The following ZNF33B variants were observed in gnomAD, a reference collection of about 807,000 sequenced individuals.
ZNF33B encodes the protein zinc finger protein 33B.
ZNF33B carries 29 observed loss-of-function variants against 45.8 expected under a neutral mutation model. The observed-to-expected ratio is 0.63, with a 90% CI of 0.47 to 0.86. The LOEUF is 0.86. ZNF33B is among the 40% of genes least tolerant of loss of function. The pLI, the probability that ZNF33B is intolerant of heterozygous loss-of-function variation, is 0.00. For missense variants in ZNF33B, 831 were observed against 909.9 expected, an observed-to-expected ratio of 0.91 and a Z score of 1.12; for synonymous variants, 305 against 307.8, an observed-to-expected ratio of 0.99 and a Z score of 0.10.
downstream of ZNF33B, among the ~76,000 whole-genome samples, chr10:42,587,599 T>A (rs534298310): frequency 6.6e-6 from 1 of 152,300 alleles, no homozygotes; most frequent in South Asian, 2.1e-4. Context: ...ACAGTGGATG[T>A]CACAGTCACT....
At chr10:42,576,677 A>C (rs1824158742) in intron 1 of ZNF33B, among the ~76,000 whole-genome samples, 1 of 152,204 alleles carries the variant, frequency 6.6e-6, no homozygotes, top group Non-Finnish European at 1.5e-5. Flanking sequence ...ATAGGACCTG[A>C]CTTTGCATTT....
downstream of ZNF33B, among the ~76,000 whole-genome samples, chr10:42,587,513 T>C (rs6593413): frequency 0.18 from 27,695 of 152,044 alleles, 3,979 homozygotes; most frequent in African/African-American, 0.39. Context: ...TCTTGGCTTC[T>C]CAAAGTGCTG....
At chr10:42,615,189 A>C (rs115554105) in intron 4 of ZNF33B, among the ~76,000 whole-genome samples, 1 of 152,190 alleles carries the variant, frequency 6.6e-6, no homozygotes. Context: ...AAACACAGAG[A>C]CACCATATAA....
intron 4 of ZNF33B, among the ~76,000 whole-genome samples, chr10:42,601,018 G>A (rs1837596517): frequency 6.6e-6 from 1 of 152,110 alleles, no homozygotes; most frequent in African/African-American, 2.4e-5. Flanking sequence ...TTGTTTAACT[G>A]GAATGTCCTT....
chr10:42,588,007 C>T (rs570933343), downstream of ZNF33B, among the ~76,000 whole-genome samples: 1 of 152,182 alleles, frequency 6.6e-6, no homozygotes. Flanking sequence ...ACAAACCTCA[C>T]AATAGGCCAT....
At position 42,631,193 on chromosome 10, in the gene ZNF33B, G is replaced by T. The variant is rs209392; in HGVS notation, c.250+736C>A. 1.7e-3 allele frequency among the ~76,000 whole-genome samples: 253 copies of T among 151,076 alleles called. 1 individual carries two copies. Among genetic ancestry groups the T allele is most frequent in the Non-Finnish European group, 2.9e-3 (196 of 67,720 alleles). ...ATAATATACTTAGAGACATAATTTT[G>T]TTTTTTTTTTATATTTATTTACTTA... is the stretch of plus-strand genomic sequence containing the variant. On this transcript the variant is annotated intron_variant, in intron 4 of 4. Transcript: ENST00000359467.
At chr10:42,622,986 G>A (rs1424841874) in intron 4 of ZNF33B, among the ~76,000 whole-genome samples, 2 of 152,134 alleles carry the variant, frequency 1.3e-5, no homozygotes, top group Admixed American at 6.6e-5. Flanking sequence ...GAGTAGGTAC[G>A]GCCGGGTGCG....
intron 1 of ZNF33B, chr10:42,582,861 A>C (rs2132015871): frequency 2.7e-6 from 1 of 365,422 alleles, no homozygotes; most frequent in South Asian, 3.2e-5. Context: ...GTGCCAGTGC[A>C]CTTCCTCAGT....
chr10:42,597,979 T>C (rs533433405), intron 4 of ZNF33B, among the ~76,000 whole-genome samples: 2 of 152,228 alleles, frequency 1.3e-5, no homozygotes, highest in East Asian at 3.9e-4. Context: ...TATTTTCAAA[T>C]GCAAAAAAAA....
At chr10:42,578,559 C>T (rs367704241) in intron 1 of ZNF33B, 16 of 152,552 alleles carry the variant, frequency 1.0e-4, no homozygotes, top group African/African-American at 3.8e-4. Context: ...AGCATAGGAC[C>T]TACACCACTG....
rs188719700 is a variant in ZNF33B at position 42,599,399 on chromosome 10, G to A, written c.251-4700C>T. 1.3e-3 allele frequency among the ~76,000 whole-genome samples: 200 copies of A among 151,758 alleles called. 1 individual carries two copies. The highest frequency in any genetic ancestry group is 2.3e-3 in the Non-Finnish European group (154 of 67,886). ...CAAAGTGGAATTAGCTAAGACCATTGATTTAGACCTTTCTTCTTATCCAAC... is the reference window on the plus strand; with the variant it reads ...CAAAGTGGAATTAGCTAAGACCATTAATTTAGACCTTTCTTCTTATCCAAC... On this transcript the variant is annotated intron_variant, in intron 4 of 4. Transcript: ENST00000359467.
intron 1 of ZNF33B, chr10:42,578,472 G>C (rs112213116): frequency 0.028 from 4,305 of 152,892 alleles, 98 homozygotes; most frequent in Non-Finnish European, 0.045. Flanking sequence ...CTTCCTCCAG[G>C]ATGTAATGAG....
chr10:42,583,256 G>C (rs762447532), intron 1 of ZNF33B: 187 of 593,506 alleles, frequency 3.2e-4, no homozygotes, highest in Non-Finnish European at 5.2e-4. Context: ...AGACAAAAGT[G>C]ATGCCATCAC....
chr10:42,599,816 A>G (rs925389029), intron 4 of ZNF33B, among the ~76,000 whole-genome samples: 1 of 152,086 alleles, frequency 6.6e-6, no homozygotes, highest in Non-Finnish European at 1.5e-5. Context: ...AATGAAATCA[A>G]TGAGTATTGT....
downstream of ZNF33B, among the ~76,000 whole-genome samples, chr10:42,585,116 T>C (rs1474871550): frequency 6.6e-6 from 1 of 152,166 alleles, no homozygotes. Flanking sequence ...AACTGACCAC[T>C]TGGAAACCCA....
intron 1 of ZNF33B, among the ~76,000 whole-genome samples, chr10:42,577,593 G>A (rs559221290): frequency 3.3e-5 from 5 of 152,100 alleles, no homozygotes; most frequent in South Asian, 2.1e-4. Flanking sequence ...TTCTACTCCC[G>A]GGGTTCTCCT....
rs764761622 is a variant in ZNF33B at position 42,594,519 on chromosome 10, G to A, written c.431C>T (p.Ser144Leu). 1.1e-5 allele frequency: 18 copies of A among 1,613,122 alleles called. No homozygotes were observed. The Admixed American group carries it at 1.5e-4, about 13-fold the overall frequency. Residue 144 changes from serine to leucine, a missense_variant, in exon 5 of 5, where the codon TCA (serine) becomes TTA (leucine). Transcript: ENST00000359467. ...PSRKMFCQYD[S>L]RGMSFNTVSE... ...AACAGTGTTGAAACTCATTCCACGT[G>A]AGTCATACTGACAGAACATTTTTCT...
At chr10:42,579,269 T>C (rs1320382527) in intron 1 of ZNF33B, among the ~76,000 whole-genome samples, 1 of 152,192 alleles carries the variant, frequency 6.6e-6, no homozygotes. Flanking sequence ...GGGTATACTG[T>C]GTGATGCTGA....
intron 4 of ZNF33B, among the ~76,000 whole-genome samples, chr10:42,600,438 A>G (rs1837571381): frequency 6.6e-6 from 1 of 152,170 alleles, no homozygotes; most frequent in Admixed American, 6.5e-5. Flanking sequence ...AAAAATCTTT[A>G]TCACTGGTAT....
Sources: allele counts gnomAD v4.1 joint callset (sites outside exome capture counted in the v4.1 genomes callset), GRCh38; gene constraint gnomAD v4.1.1; transcripts MANE v1.5; gene names NCBI Gene and HGNC (gene_info 2026-07-23, HGNC 2026-07-21).